DISC1: variants seen among roughly 807,000 people sequenced by gnomAD.
DISC1 encodes disrupted in schizophrenia 1 protein.
A neutral mutation model predicts 84.5 loss-of-function variants in DISC1; 57 were observed. That is an observed-to-expected ratio of 0.67 (90% confidence interval 0.55 to 0.84). The LOEUF is 0.84. DISC1 is among the 40% of genes least tolerant of loss of function. The pLI, the probability that DISC1 is intolerant of heterozygous loss-of-function variation, is 0.00. For missense variants in DISC1, 1,000 were observed against 1,057.8 expected (o/e 0.95, Z 0.76); for synonymous variants, 411 against 415.2 (o/e 0.99, Z 0.12).
At position 231,693,841 on chromosome 1, in the gene DISC1, T is replaced by C. The variant is rs774803245; in HGVS notation, c.83T>C (p.Leu28Ser). The C allele has an allele frequency of 1.2e-6, 2 of 1,613,736 alleles. No individual in the cohort carries two copies. Among genetic ancestry groups the C allele is most frequent in the South Asian group, 2.2e-5 (2 of 91,054 alleles). Reference protein sequence around the residue: ...VSHRAGSRDCLPPAACFRRRR... With the variant: ...VSHRAGSRDCSPPAACFRRRR... ...TTCTTCCCAGGCAGCCGGGATTGCT[T>C]ACCACCTGCAGCGTGCTTTCGGAGG... is the stretch of plus-strand genomic sequence containing the variant. Residue 28 changes from leucine to serine, a missense_variant, in exon 2 of 13, where the codon TTA (leucine) becomes TCA (serine). This residue lies in a region of DISC1 where 292 missense variants were observed against 280.2 expected (regional missense o/e 1.04). Transcript: ENST00000439617.
rs535679175 is a variant in DISC1, at chr1:231,649,418, G to C, written c.67+22484G>C. The stretch of plus-strand genomic sequence containing the variant: ...CTAGTTTGATTGCACTGTGGTCTGA[G>C]AGACAGTTTGTTATGATTTCTGTTC... On this transcript the variant is annotated intron_variant, in intron 1 of 12. Coordinates refer to ENST00000439617, the MANE Select transcript of DISC1 (RefSeq NM_018662.3). Among the ~76,000 whole-genome samples, 6 of 152,336 alleles carry C rather than the reference G, an allele frequency of 3.9e-5. No individual in the cohort carries two copies. The South Asian group carries it at 1.0e-3, about 26-fold the overall frequency.
At chr1:231,829,434 G>A (rs746980039) in intron 9 of DISC1, among the ~76,000 whole-genome samples, 5 of 151,872 alleles carry the variant, frequency 3.3e-5, no homozygotes, top group South Asian at 2.1e-4. Context: ...GCATTATCTC[G>A]GCTCACTGCA....
At chr1:232,001,786 G>A (rs1213080298) in intron 10 of DISC1, among the ~76,000 whole-genome samples, 3 of 151,106 alleles carry the variant, frequency 2.0e-5, no homozygotes, top group Non-Finnish European at 3.0e-5. Context: ...AAAACTTTTA[G>A]GAAAAAAAAA....
At chr1:231,788,052 G>A (rs1340580066) in intron 6 of DISC1, among the ~76,000 whole-genome samples, 1 of 152,234 alleles carries the variant, frequency 6.6e-6, no homozygotes, top group Non-Finnish European at 1.5e-5. Flanking sequence ...GAAGGCTGAG[G>A]TGGGTGGATC....
intron 6 of DISC1, chr1:231,774,933 C>A: frequency 2.8e-6 from 1 of 359,974 alleles, no homozygotes; most frequent in Non-Finnish European, 5.5e-6. Context: ...GGGATAATAT[C>A]CAGTAGGTAT....
chr1:231,950,948 A>G (rs9432061), intron 9 of DISC1, among the ~76,000 whole-genome samples: 13,542 of 151,500 alleles, frequency 0.089, 766 homozygotes, highest in African/African-American at 0.16. Context: ...TTCAAGGGCA[A>G]TGGGGCAGAA....
chr1:231,857,353 C>T (rs1308326701), intron 9 of DISC1, among the ~76,000 whole-genome samples: 1 of 152,186 alleles, frequency 6.6e-6, no homozygotes, highest in Non-Finnish European at 1.5e-5. Flanking sequence ...GCCTGTCTAG[C>T]ACAGGAAAAC....
At chr1:231,957,551 T>C (rs970275951) in intron 9 of DISC1, among the ~76,000 whole-genome samples, 3 of 152,170 alleles carry the variant, frequency 2.0e-5, no homozygotes, top group Non-Finnish European at 4.4e-5. Context: ...CACATAAATA[T>C]GTATGGGATG....
At chr1:231,947,691 T>C (rs1357023942) in intron 9 of DISC1, among the ~76,000 whole-genome samples, 2 of 152,042 alleles carry the variant, frequency 1.3e-5, no homozygotes, top group African/African-American at 4.8e-5. Context: ...TGGGGGAAAA[T>C]TTTTGCAATC....
rs1659121466 is a variant in DISC1 at position 231,954,755 on chromosome 1, T to C, written c.1982-4073T>C. Among the ~76,000 whole-genome samples, 1 of 152,228 alleles carries C rather than the reference T, an allele frequency of 6.6e-6. No individual in the cohort carries two copies. The highest frequency in any genetic ancestry group is 6.5e-5 in the Admixed American group (1 of 15,288). On this transcript the variant is annotated intron_variant, in intron 9 of 12. Coordinates refer to ENST00000439617, the MANE Select transcript of DISC1 (RefSeq NM_018662.3). The surrounding 1 kb of genome is among the most constrained non-coding windows in gnomAD (Gnocchi z 4.8). The stretch of plus-strand genomic sequence containing the variant: ...GCTCTATTCTCCGTCAGCGTGTCTG[T>C]GGCTGTATTGATTCGGAAGTTTAAA...
intron 4 of DISC1, chr1:231,750,356 C>T (rs555983914): frequency 3.5e-5 from 43 of 1,219,178 alleles, no homozygotes; most frequent in Non-Finnish European, 4.4e-5. Flanking sequence ...TGGGAAACTA[C>T]CCTTCTAAGA....
chr1:231,680,360 G>A (rs1197692967), intron 1 of DISC1, among the ~76,000 whole-genome samples: 1 of 152,120 alleles, frequency 6.6e-6, no homozygotes, highest in African/African-American at 2.4e-5. Flanking sequence ...TATTATAAAT[G>A]CTTTCTTATA....
chr1:231,773,656 T>G (rs981435124), intron 6 of DISC1, among the ~76,000 whole-genome samples: 2 of 152,276 alleles, frequency 1.3e-5, no homozygotes, highest in African/African-American at 4.8e-5. Flanking sequence ...AGTGCTGAGA[T>G]TACAGGCGTG....
At chr1:231,756,794 C>A (rs146543170) in intron 4 of DISC1, among the ~76,000 whole-genome samples, 4 of 152,298 alleles carry the variant, frequency 2.6e-5, no homozygotes, top group African/African-American at 9.6e-5. Context: ...TAAATTAGAT[C>A]ACTGGTTTCT....
chr1:232,006,621 G>A (rs1667478137), intron 10 of DISC1, among the ~76,000 whole-genome samples: 1 of 152,134 alleles, frequency 6.6e-6, no homozygotes, highest in South Asian at 2.1e-4. Context: ...GAGATGATGT[G>A]TAATTGGAAC....
At chr1:232,020,511 A>G (rs1235558157) in intron 11 of DISC1, among the ~76,000 whole-genome samples, 1 of 152,170 alleles carries the variant, frequency 6.6e-6, no homozygotes, top group South Asian at 2.1e-4. Context: ...CATTCTTAGT[A>G]GCCCTGAAGG....
At chr1:231,720,714 A>AT (rs1219913670) in intron 3 of DISC1, 7 of 625,378 alleles carry the variant, frequency 1.1e-5, no homozygotes, top group South Asian at 1.7e-5. Context: ...CCACTGGGTG[A>AT]TTTTTTTCCC....
chr1:231,820,160 G>A (rs12135059), intron 9 of DISC1, among the ~76,000 whole-genome samples: 36,758 of 151,992 alleles, frequency 0.24, 4,744 homozygotes, highest in Non-Finnish European at 0.26. Flanking sequence ...TGATTTACAC[G>A]TGCTTAATTT....
intron 8 of DISC1, among the ~76,000 whole-genome samples, chr1:231,807,609 CT>C (rs1163210801): frequency 2.0e-5 from 3 of 152,206 alleles, no homozygotes; most frequent in Non-Finnish European, 4.4e-5. Flanking sequence ...GTGGGTACGT[CT>C]GGTTTTAAGC....
Sources: gnomAD v4.1 joint callset for allele counts (sites outside exome capture counted in the v4.1 genomes callset) on GRCh38, gnomAD v4.1.1 for gene constraint, gnomAD v4.1.1 regional missense constraint, Gnocchi (gnomAD v3.1) non-coding constraint, MANE v1.5 for transcripts, NCBI Gene and HGNC (gene_info 2026-07-23, HGNC 2026-07-21) for gene names.